The following MLST8 variants were observed in gnomAD, a reference collection of about 807,000 sequenced individuals.
MLST8 encodes target of rapamycin complex subunit LST8.
A neutral mutation model predicts 41.3 loss-of-function variants in MLST8; 20 were observed. That is an observed-to-expected ratio of 0.48 (90% CI 0.34 to 0.70). The LOEUF is 0.70. MLST8 is among the 30% of genes least tolerant of loss of function. MLST8 has a pLI of 0.01. For missense variants in MLST8, 422 were observed against 454.3 expected, an observed-to-expected ratio of 0.93 and a Z score of 0.65; for synonymous variants, 243 against 183.0, an observed-to-expected ratio of 1.33 and a Z score of -2.65.
Position 2,207,086 on chromosome 16 carries a change from C to A in MLST8, c.396C>A (p.Asn132Lys), listed in dbSNP as rs775982928. The A allele has an allele frequency of 9.9e-6, 16 of 1,613,738 alleles. No homozygotes were observed. Among genetic ancestry groups the A allele is most frequent in the Admixed American group, 6.7e-5 (4 of 60,008 alleles). ...QRIFQVNAPI[N>K]CVCLHPNQAE... is the part of the protein sequence containing the mutation. ...TCTTCCAGGTGAACGCACCCATTAA[C>A]TGCGTGTGCCTGCACCCCAACCAGG... is the stretch of plus-strand genomic sequence containing the variant. Residue 132 changes from asparagine to lysine, a missense_variant, in exon 5 of 9, where the codon AAC becomes AAA. Physicochemically the swap from Asn to Lys is moderately conservative, Grantham distance 94. Coordinates refer to ENST00000569417, the MANE Select transcript of MLST8 (RefSeq NM_022372.6).
intron 7 of MLST8, 43 bp downstream of exon 7, chr16:2,208,377 C>G (rs2093339397): frequency 4.4e-6 from 7 of 1,606,004 alleles, no homozygotes; most frequent in Non-Finnish European, 6.0e-6. Context: ...CCTGCCTGGG[C>G]TGGGGGCTGG....
rs776854926 is a variant in MLST8, at chr16:2,208,884, AC to A, written c.*11del. 6.8e-6 allele frequency: 11 copies of A among 1,612,098 alleles called. No homozygotes were observed. In the Admixed American group the frequency reaches 1.2e-4, roughly 17 times the overall value. On this transcript the variant is annotated 3_prime_UTR_variant, in exon 9 of 9. Coordinates refer to ENST00000569417, the MANE Select transcript of MLST8 (RefSeq NM_022372.6). ...TGACAGTGTGCTGGGCTAGCCTGTG[AC>A]CCCTCGGGACTGCCTGGTGCAGGTG...
chr16:2,205,899 C>G, intron 1 of MLST8, 132 bp from the exon 2 acceptor site: 9 of 1,430,420 alleles, frequency 6.3e-6, no homozygotes, highest in Non-Finnish European at 8.3e-6. Context: ...GACGCGTGTC[C>G]CTGAACCTAC....
chr16:2,206,220 C>T lies in MLST8; in HGVS notation c.129+6C>T. 6.2e-7 allele frequency: 1 copy of T among 1,605,670 alleles called. No individual in the cohort carries two copies. Among genetic ancestry groups the T allele is most frequent in the Non-Finnish European group, 8.5e-7 (1 of 1,175,958 alleles). On this transcript the variant is annotated splice_donor_region_variant and intron_variant, in intron 2 of 8. Transcript: ENST00000569417. ...CGGTGCAGCACCAGGACTCCGTATC[C>T]TCCACCCGGGGCGGGCAGGGCGGCG... is the stretch of plus-strand genomic sequence containing the variant.
Position 2,208,546 on chromosome 16 carries a change from C to A in MLST8, c.795C>A (p.Pro265=). 1 of 1,612,928 alleles carries A rather than the reference C, an allele frequency of 6.2e-7. No homozygotes were observed. The highest frequency in any genetic ancestry group is 8.5e-7 in the Non-Finnish European group (1 of 1,179,788). ...AGCTGAGCATCAAGAGCGGCAACCC[C>A]GGGGAGTCCTCCCGCGGCTGGATGT... ...MTELSIKSGN[P]GESSRGWMWG... The change falls in exon 8 of 9, where the codon CCC becomes CCA. Residue 265 remains proline, a synonymous_variant. Transcript: ENST00000569417.
rs756435978 is a variant in MLST8, at chr16:2,206,514, A to C, written c.199A>C (p.Met67Leu). The C allele has an allele frequency of 6.2e-7, 1 of 1,611,474 alleles. No homozygotes were observed. Among genetic ancestry groups the C allele is most frequent in the Non-Finnish European group, 8.5e-7 (1 of 1,177,764 alleles). The change falls in exon 4 of 9, where the codon ATG (methionine) becomes CTG (leucine). Residue 67 changes from methionine (M) to leucine (L), a missense_variant. By Grantham distance (15) the Met-to-Leu change is conservative (BLOSUM62 2). Transcript: ENST00000569417. Reference sequence around the variant, plus strand: ...GTCCCTAGGTTACCAGCACATCCGCATGTATGATCTCAACTCCAATAACCC... The same window carrying C: ...GTCCCTAGGTTACCAGCACATCCGCCTGTATGATCTCAACTCCAATAACCC... Reference protein sequence around the residue: ...IAAAGYQHIRMYDLNSNNPNP... With the variant: ...IAAAGYQHIRLYDLNSNNPNP...
At position 2,207,956 on chromosome 16, in the gene MLST8, A is replaced by G. The variant is rs774653681; in HGVS notation, c.574-254A>G. On this transcript the variant is annotated intron_variant, in intron 6 of 8. Transcript: ENST00000569417. ...CTTCTCCTGTCTACTTCCGTTGGCC[A>G]TCGGCATCCTCCAGGAAGGAGAATT... is the stretch of plus-strand genomic sequence containing the variant. 17 of 404,526 alleles carry G rather than the reference A, an allele frequency of 4.2e-5. No individual in the cohort carries two copies. In the East Asian group the frequency reaches 5.4e-4, roughly 13 times the overall value. The allele number at this position is 404,526 out of a possible 1,614,324, so 25.1% of individuals were successfully genotyped here.
intron 4 of MLST8, 168 bp from the exon 5 acceptor site, chr16:2,206,867 C>T: frequency 9.3e-7 from 1 of 1,071,198 alleles, no homozygotes; most frequent in Non-Finnish European, 1.4e-6. Context: ...CCCCTTCCAC[C>T]AGCCACTGGC....
Position 2,209,239 on chromosome 16 carries a change from ACAC to A in MLST8, c.*371_*373del. The A allele has an allele frequency of 2.1e-6, 2 of 937,072 alleles. No homozygotes were observed. Among genetic ancestry groups the A allele is most frequent in the South Asian group, 1.6e-5 (1 of 61,818 alleles). 58.0% of individuals were successfully genotyped at this position (937,072 alleles called of 1,614,324 possible). ...GTTTCAGGGCCTCGGTCCATAGAGA[ACAC>A]CACCACCATGGCCAGGTGGAAGGGT... On this transcript the variant is annotated 3_prime_UTR_variant, in exon 9 of 9. Coordinates refer to ENST00000569417, the MANE Select transcript of MLST8 (RefSeq NM_022372.6).
At chr16:2,207,975 G>C (rs893156057) in intron 6 of MLST8, 7 of 443,886 alleles carry the variant, frequency 1.6e-5, no homozygotes, top group African/African-American at 1.2e-4. Flanking sequence ...CTCCAGGAAG[G>C]AGAATTTGAG....
intron 6 of MLST8, 84 bp from the exon 7 acceptor site, chr16:2,208,126 C>G: frequency 1.3e-6 from 2 of 1,495,228 alleles, no homozygotes; most frequent in Non-Finnish European, 1.8e-6. Context: ...ACAGTTGGCC[C>G]CCAGTGTTGG....
chr16:2,207,456 A>C, intron 6 of MLST8, 111 bp downstream of exon 6: 2 of 1,384,064 alleles, frequency 1.4e-6, no homozygotes, highest in Non-Finnish European at 2.0e-6. Flanking sequence ...TGCTTTCCCC[A>C]TCCCGGGCAC....
rs1298743222 is a variant in MLST8, at chr16:2,208,572, G to A, written c.821G>A (p.Trp274Ter). The change falls in exon 8 of 9, where the codon TGG (tryptophan) becomes TAG (stop). Residue 274 changes from tryptophan (W) to a stop codon, truncating the protein, a stop_gained. Coordinates refer to ENST00000569417, the MANE Select transcript of MLST8 (RefSeq NM_022372.6). LOFTEE classifies it high-confidence loss of function. Reference protein sequence around the residue: ...NPGESSRGWMWGCAFSGDSQY... With the variant: ...NPGESSRGWM ...GGGGAGTCCTCCCGCGGCTGGATGT[G>A]GGGCTGCGCCTTCTCGGGGGACTCC... The A allele has an allele frequency of 1.2e-6, 2 of 1,612,714 alleles. No homozygotes were observed. The highest frequency in any genetic ancestry group is 1.7e-6 in the Non-Finnish European group (2 of 1,179,744).
intron 6 of MLST8, 53 bp downstream of exon 6, chr16:2,207,398 G>C (rs921996632): frequency 1.3e-6 from 2 of 1,588,966 alleles, no homozygotes; most frequent in Admixed American, 1.7e-5. Flanking sequence ...TCAGCCCTCA[G>C]CCTCTGCAGG....
chr16:2,205,884 C>T (rs767697322), intron 1 of MLST8, 147 bp from the exon 2 acceptor site: 1 of 1,389,364 alleles, frequency 7.2e-7, no homozygotes, highest in Admixed American at 2.7e-5. Context: ...AGGTATCACG[C>T]GTGTGACGCG....
At position 2,208,204 on chromosome 16, in the gene MLST8, C is replaced by T. The variant is rs771980016; in HGVS notation, c.574-6C>T. On this transcript the variant is annotated splice_polypyrimidine_tract_variant and splice_region_variant and intron_variant, in intron 6 of 8. Coordinates refer to ENST00000569417, the MANE Select transcript of MLST8 (RefSeq NM_022372.6). ...GGCCCTCCGTGACGGTCCTCCTGAC[C>T]TCTAGGGAAACTGCTATGTCTGGAA... 8.1e-6 allele frequency: 13 copies of T among 1,606,776 alleles called. No homozygotes were observed. Among genetic ancestry groups the T allele is most frequent in the Admixed American group, 5.0e-5 (3 of 59,598 alleles).
At chr16:2,207,532 C>T in intron 6 of MLST8, 187 bp downstream of exon 6, 1 of 666,498 alleles carries the variant, frequency 1.5e-6, no homozygotes, top group Non-Finnish European at 2.5e-6. Flanking sequence ...GTCCTGTCTG[C>T]AGGTCGGTCA....
At chr16:2,207,414 T>G (rs2093313453) in intron 6 of MLST8, 69 bp downstream of exon 6, 1 of 1,563,744 alleles carries the variant, frequency 6.4e-7, no homozygotes, top group Non-Finnish European at 8.7e-7. Context: ...GCAGGTGGGC[T>G]TATTCCTGGA....
Position 2,208,553 on chromosome 16 carries a change from T to C in MLST8, c.802T>C (p.Ser268Pro), listed in dbSNP as rs1170972235. The C allele has an allele frequency of 6.2e-7, 1 of 1,611,750 alleles. No homozygotes were observed. The highest frequency in any genetic ancestry group is 8.5e-7 in the Non-Finnish European group (1 of 1,179,474). Residue 268 changes from serine to proline, a missense_variant, in exon 8 of 9, where the codon TCC (serine) becomes CCC (proline). Physicochemically the swap from Ser to Pro is moderately conservative, Grantham distance 74. Transcript: ENST00000569417. ...CATCAAGAGCGGCAACCCCGGGGAG[T>C]CCTCCCGCGGCTGGATGTGGGGCTG... ...LSIKSGNPGE[S>P]SRGWMWGCAF... is the part of the protein sequence containing the mutation.
Sources: gnomAD v4.1 joint callset for allele counts on GRCh38, gnomAD v4.1.1 for gene constraint, MANE v1.5 for transcripts, NCBI Gene and HGNC (gene_info 2026-07-23, HGNC 2026-07-21) for gene names.